Variants in GRIN2D observed in about 807,000 individuals in gnomAD.
The protein encoded by GRIN2D is glutamate receptor ionotropic, NMDA 2D.
A neutral mutation model predicts 103.2 loss-of-function variants in GRIN2D; 37 were observed. The observed-to-expected ratio is 0.36, with a 90% CI of 0.28 to 0.47. The LOEUF (loss-of-function observed/expected upper bound fraction) is 0.47. Ranked by LOEUF, GRIN2D falls within the 20% of genes least tolerant of loss-of-function variation. The pLI, the probability that GRIN2D is intolerant of heterozygous loss-of-function variation, is 1.00. For missense variants in GRIN2D, 1,557 were observed against 1,910.6 expected, an observed-to-expected ratio of 0.81 and a Z score of 3.45; for synonymous variants, 845 against 885.6, an observed-to-expected ratio of 0.95 and a Z score of 0.81.
At chr19:48,417,261 A>C (rs543983902) in intron 8 of GRIN2D, among the ~76,000 whole-genome samples, 1 of 152,188 alleles carries the variant, frequency 6.6e-6, no homozygotes, top group Admixed American at 6.5e-5. Context: ...AAAGAAAAAA[A>C]TCCCACTCTG....
intron 10 of GRIN2D, among the ~76,000 whole-genome samples, chr19:48,420,465 C>T (rs1403091816): frequency 2.0e-5 from 3 of 152,046 alleles, no homozygotes; most frequent in African/African-American, 4.8e-5. Flanking sequence ...GCAGACAATG[C>T]TTTTGTAAAA....
chr19:48,419,462 G>T, intron 9 of GRIN2D, 103 bp downstream of exon 9: 1 of 1,452,288 alleles, frequency 6.9e-7, no homozygotes, highest in South Asian at 1.3e-5. Context: ...TCAAGCTAGG[G>T]CCTCTCGGGA....
At chr19:48,401,983 C>T (rs1370494224) in intron 3 of GRIN2D, among the ~76,000 whole-genome samples, 1 of 152,058 alleles carries the variant, frequency 6.6e-6, no homozygotes, top group Non-Finnish European at 1.5e-5. Context: ...GCATGTAATC[C>T]CAGCTACTTG....
chr19:48,395,739 G>T (rs1970631939), intron 2 of GRIN2D, among the ~76,000 whole-genome samples: 1 of 152,078 alleles, frequency 6.6e-6, no homozygotes, highest in South Asian at 2.1e-4. Flanking sequence ...GAGCTCGGTG[G>T]GGGGGCACCC....
chr19:48,414,803 C>A lies in GRIN2D; in HGVS notation c.1413-61C>A. The A allele has an allele frequency of 2.6e-6, 4 of 1,562,370 alleles. No homozygotes were observed. Among genetic ancestry groups the A allele is most frequent in the Non-Finnish European group, 3.5e-6 (4 of 1,141,648 alleles). On this transcript the variant is annotated intron_variant, in intron 6 of 13. Coordinates refer to ENST00000263269, the MANE Select transcript of GRIN2D (RefSeq NM_000836.4). This position sits in a 1 kb window ranked among gnomAD's most constrained non-coding sequence, Gnocchi z 4.6. ...GCCTATCCCTTCCTCCATATCCTCT[C>A]TTCATGAGAGAGTCTAAGGAGGGGG...
At chr19:48,404,453 G>A (rs957570182) in intron 3 of GRIN2D, among the ~76,000 whole-genome samples, 10 of 151,918 alleles carry the variant, frequency 6.6e-5, no homozygotes, top group Admixed American at 3.9e-4. Flanking sequence ...AGATCATGCC[G>A]CTGCTCACCG....
At chr19:48,408,819 TA>T (rs58654942) in intron 4 of GRIN2D, among the ~76,000 whole-genome samples, 72,136 of 140,984 alleles carry the variant, frequency 0.51, 18,414 homozygotes, top group East Asian at 0.8. Context: ...GACTCTGTCT[TA>T]AAAAAAAAAA....
chr19:48,395,963 T>C (rs1970634694), intron 2 of GRIN2D, among the ~76,000 whole-genome samples: 1 of 151,168 alleles, frequency 6.6e-6, no homozygotes, highest in Non-Finnish European at 1.5e-5. Context: ...CAGGACCGAA[T>C]GCCCAGACTC....
rs1435890442 is a variant in GRIN2D at position 48,414,362 on chromosome 19, C to G, written c.1201-11C>G. The G allele has an allele frequency of 6.3e-7, 1 of 1,595,682 alleles. No homozygotes were observed. The highest frequency in any genetic ancestry group is 1.1e-5 in the South Asian group (1 of 88,680). On this transcript the variant is annotated splice_polypyrimidine_tract_variant and intron_variant, in intron 5 of 13. Transcript: ENST00000263269. The surrounding 1 kb of genome is among the most constrained non-coding windows in gnomAD (Gnocchi z 4.6). Reference sequence around the variant, plus strand: ...TCCCAGGAAGCCTGACTCTCTTTCCCTTTGGCCAAGGTGGGCAGCTGGGAG... The same window carrying G: ...TCCCAGGAAGCCTGACTCTCTTTCCGTTTGGCCAAGGTGGGCAGCTGGGAG...
At chr19:48,399,109 TCA>T (rs1970679365) in intron 3 of GRIN2D, among the ~76,000 whole-genome samples, 1 of 151,916 alleles carries the variant, frequency 6.6e-6, no homozygotes, top group African/African-American at 2.4e-5. Context: ...TCCTCGATGA[TCA>T]GAGTATAGGG....
In GRIN2D at chr19:48,419,643, G is replaced by T. The variant is rs1361597950; in HGVS notation, c.1920G>T (p.Val640=). The T allele has an allele frequency of 6.2e-7, 1 of 1,613,646 alleles. No homozygotes were observed. Among genetic ancestry groups the T allele is most frequent in the Non-Finnish European group, 8.5e-7 (1 of 1,179,932 alleles). The part of the protein sequence containing the change: ...GKSIWLLWAL[V]FNNSVPVENP... ...CCATCTGGCTGCTCTGGGCCCTGGTGTTCAATAATTCGGTGCCCGTGGAGA... is the reference window on the plus strand; with the variant it reads ...CCATCTGGCTGCTCTGGGCCCTGGTTTTCAATAATTCGGTGCCCGTGGAGA... The change falls in exon 10 of 14, where the codon GTG becomes GTT. Residue 640 remains valine (V), a synonymous_variant. Coordinates refer to ENST00000263269, the MANE Select transcript of GRIN2D (RefSeq NM_000836.4).
chr19:48,398,342 C>A, intron 2 of GRIN2D, 25 bp from the exon 3 acceptor site: 1 of 1,007,562 alleles, frequency 9.9e-7, no homozygotes, highest in Non-Finnish European at 1.2e-6. Context: ...CTCTCCTCCC[C>A]GTCTCTCCCG....
In GRIN2D at chr19:48,441,362, C is replaced by CAAAAAAAAAA. The variant is rs1173219939; in HGVS notation, c.2253-393_2253-384dup. On this transcript the variant is annotated intron_variant, in intron 11 of 13. Transcript: ENST00000263269. ...TGGGTGACAGAGTGAGACTCTGTCT[C>CAAAAAAAAAA]AAAAAAAAAAAAAAAAAAAAAAAGA... Among the ~76,000 whole-genome samples, 8 of 127,300 alleles carry CAAAAAAAAAA rather than the reference C, an allele frequency of 6.3e-5. No individual in the cohort carries two copies. The East Asian group carries it at 7.7e-4, about 12-fold the overall frequency. 83.5% of individuals were successfully genotyped at this position (127,300 alleles called of 152,430 possible).
At position 48,419,742 on chromosome 19, in the gene GRIN2D, C is replaced by T. The variant is rs139402101; in HGVS notation, c.2019C>T (p.Tyr673=). Residue 673 remains tyrosine, a synonymous_variant, in exon 10 of 14, where the codon TAC becomes TAT. Transcript: ENST00000263269. ...TCGCCGTCATCTTCCTCGCCAGCTA[C>T]ACAGCCAACCTGGCCGCCTTCATGA... ...AFFAVIFLAS[Y]TANLAAFMIQ... 41 of 1,613,644 alleles carry T rather than the reference C, an allele frequency of 2.5e-5. No homozygotes were observed. In the African/African-American group the frequency reaches 5.2e-4, roughly 21 times the overall value.
At position 48,421,572 on chromosome 19, in the gene GRIN2D, G is replaced by A. The variant is rs542444604; in HGVS notation, c.2092-213G>A. ...CTGGCACATCAGGGGCCTCAGGGAG[G>A]CTTCTCGTGAACTTTTGGATCACGT... On this transcript the variant is annotated intron_variant, in intron 10 of 13. Transcript: ENST00000263269. The surrounding 1 kb of genome is among the most constrained non-coding windows in gnomAD (Gnocchi z 4.8). 4.6e-5 allele frequency among the ~76,000 whole-genome samples: 7 copies of A among 152,324 alleles called. No homozygotes were observed. The South Asian group carries it at 1.4e-3, about 32-fold the overall frequency.
intron 11 of GRIN2D, among the ~76,000 whole-genome samples, chr19:48,433,510 C>A (rs1177283944): frequency 2.0e-5 from 3 of 152,228 alleles, no homozygotes; most frequent in African/African-American, 2.4e-5. Flanking sequence ...GCTCCCAGGG[C>A]TCTGGCCGGC....
Position 48,414,328 on chromosome 19 carries a change from G to T in GRIN2D, c.1201-45G>T, listed in dbSNP as rs751907971. The T allele has an allele frequency of 2.0e-6, 3 of 1,472,852 alleles. No individual in the cohort carries two copies. The highest frequency in any genetic ancestry group is 3.8e-5 in the Admixed American group (2 of 52,672). The allele number at this position is 1,472,852 out of a possible 1,614,324, so 91.2% of individuals were successfully genotyped here. A position where few individuals can be genotyped will look rare whatever the true frequency, so the allele number is the denominator to read the frequency against. On this transcript the variant is annotated intron_variant, in intron 5 of 13. Transcript: ENST00000263269. The surrounding 1 kb of genome is among the most constrained non-coding windows in gnomAD (Gnocchi z 4.6). ...AGGATCATGGAGGCCAGGATACACCGGGAAGTCTTCCCAGGAAGCCTGACT... is the reference window on the plus strand; with the variant it reads ...AGGATCATGGAGGCCAGGATACACCTGGAAGTCTTCCCAGGAAGCCTGACT...
chr19:48,415,456 G>C (rs1056898995), intron 7 of GRIN2D, among the ~76,000 whole-genome samples: 8 of 151,018 alleles, frequency 5.3e-5, no homozygotes, highest in African/African-American at 1.9e-4. Context: ...GGCCTGGGGC[G>C]GGGTCGCGGG....
chr19:48,404,701 G>A lies in GRIN2D; in HGVS notation c.466-33G>A, dbSNP rs1357293946. 4.5e-6 allele frequency: 7 copies of A among 1,550,868 alleles called. No homozygotes were observed. The South Asian group carries it at 6.2e-5, about 14-fold the overall frequency. ...TGCTGAGAAATAAGGTCCCCACATC[G>A]GCAGGCCTGACATCCTCCTCCCTCC... On this transcript the variant is annotated intron_variant, in intron 3 of 13. Coordinates refer to ENST00000263269, the MANE Select transcript of GRIN2D (RefSeq NM_000836.4).
Sources: gnomAD v4.1 joint callset for allele counts (sites outside exome capture counted in the v4.1 genomes callset) on GRCh38, gnomAD v4.1.1 for gene constraint, Gnocchi (gnomAD v3.1) non-coding constraint, MANE v1.5 for transcripts, NCBI Gene and HGNC (gene_info 2026-07-23, HGNC 2026-07-21) for gene names.